ACBD6: variants seen among roughly 807,000 people sequenced by gnomAD.
ACBD6 encodes the protein acyl-CoA binding domain containing 6, also known as acyl-CoA-binding domain-containing protein 6.
ACBD6 carries 28 observed loss-of-function variants against 37.2 expected under a neutral mutation model. The ratio of observed to expected loss-of-function variants is 0.75; its 90% CI spans 0.56 to 1.03. The LOEUF is 1.03. Among genes scored for constraint, ACBD6 ranks in the 50% least tolerant of loss-of-function variants. ACBD6 has a pLI of 0.00. For synonymous variants in ACBD6, 113 were observed against 126.8 expected, an observed-to-expected ratio of 0.89 and a Z score of 0.73; for missense variants, 340 against 337.4, an observed-to-expected ratio of 1.01 and a Z score of -0.06.
downstream of ACBD6, among the ~76,000 whole-genome samples, chr1:180,287,754 C>G (rs72712997): frequency 0.018 from 2,812 of 152,110 alleles, 48 homozygotes; most frequent in Non-Finnish European, 0.028. Flanking sequence ...AGAGTGAAAA[C>G]AGAGTACTAT....
Position 180,442,229 on chromosome 1 carries a change from G to A in ACBD6, c.385-11967C>T, listed in dbSNP as rs147377933. ...TGTATGGTTTCATTACATTTCTTCC[G>A]CATGGGGTTCATTGAGCTTCTTGGA... On this transcript the variant is annotated intron_variant, in intron 3 of 7. Transcript: ENST00000367595. Among the ~76,000 whole-genome samples the A allele has an allele frequency of 5.8e-3, 875 of 151,540 alleles. 6 individuals carry two copies. The highest frequency in any genetic ancestry group is 0.02 in the African/African-American group (809 of 41,310).
intron 3 of ACBD6, among the ~76,000 whole-genome samples, chr1:180,476,106 A>G (rs1571559099): frequency 6.6e-6 from 1 of 152,364 alleles, no homozygotes; most frequent in Non-Finnish European, 1.5e-5. Context: ...ATCTGGTTCC[A>G]ATGCAACCCA....
chr1:180,319,097 C>A (rs1342963793), intron 6 of ACBD6, among the ~76,000 whole-genome samples: 2 of 152,160 alleles, frequency 1.3e-5, no homozygotes, highest in African/African-American at 4.8e-5. Flanking sequence ...ACTCAGTTCA[C>A]CTTCTTAAGG....
intron 6 of ACBD6, among the ~76,000 whole-genome samples, chr1:180,349,538 A>G (rs576870470): frequency 6.6e-6 from 1 of 151,918 alleles, no homozygotes; most frequent in South Asian, 2.1e-4. Flanking sequence ...TACAGGCGTG[A>G]GCCACCGTGC....
chr1:180,406,356 G>GCTAA (rs1315383216), intron 5 of ACBD6, among the ~76,000 whole-genome samples: 2 of 152,052 alleles, frequency 1.3e-5, no homozygotes, highest in African/African-American at 4.8e-5. Flanking sequence ...TCACACTGTT[G>GCTAA]CTAAAAAGTT....
intron 3 of ACBD6, among the ~76,000 whole-genome samples, chr1:180,482,756 T>G (rs77066130): frequency 2.0e-5 from 3 of 152,144 alleles, no homozygotes; most frequent in Non-Finnish European, 2.9e-5. Flanking sequence ...CAAAGAAAAC[T>G]TTTTTAAAAG....
intron 5 of ACBD6, among the ~76,000 whole-genome samples, chr1:180,402,037 G>A (rs903283710): frequency 6.6e-6 from 1 of 152,058 alleles, no homozygotes; most frequent in Non-Finnish European, 1.5e-5. Context: ...CTGCAAACAG[G>A]TAGATCTGAA....
At chr1:180,387,570 A>G (rs1328981746) in intron 6 of ACBD6, among the ~76,000 whole-genome samples, 1 of 152,178 alleles carries the variant, frequency 6.6e-6, no homozygotes, top group Admixed American at 6.5e-5. Context: ...CTGGGCAGGA[A>G]CTGAAAGCTC....
intron 7 of ACBD6, among the ~76,000 whole-genome samples, chr1:180,301,261 G>GA: frequency 6.6e-6 from 1 of 152,224 alleles, no homozygotes; most frequent in East Asian, 1.9e-4. Flanking sequence ...GTTGAGTCTT[G>GA]AACAACATGG....
At chr1:180,367,915 G>C (rs970910661) in intron 6 of ACBD6, among the ~76,000 whole-genome samples, 2 of 152,156 alleles carry the variant, frequency 1.3e-5, no homozygotes, top group Non-Finnish European at 2.9e-5. Context: ...CCAGTAATGG[G>C]ATTGCTGGGT....
At chr1:180,336,799 T>C (rs1214990052) in intron 6 of ACBD6, among the ~76,000 whole-genome samples, 1 of 151,458 alleles carries the variant, frequency 6.6e-6, no homozygotes, top group Non-Finnish European at 1.5e-5. Flanking sequence ...ATCAAATAGA[T>C]GCAATAAAAA....
intron 6 of ACBD6, among the ~76,000 whole-genome samples, chr1:180,330,220 TG>T (rs1186437754): frequency 6.6e-6 from 1 of 151,716 alleles, no homozygotes; most frequent in East Asian, 1.9e-4. Context: ...GAGATCAGCC[TG>T]GGCAACATTA....
intron 5 of ACBD6, among the ~76,000 whole-genome samples, chr1:180,407,709 T>C (rs1405254210): frequency 6.6e-6 from 1 of 152,224 alleles, no homozygotes; most frequent in Admixed American, 6.5e-5. Flanking sequence ...AGCAAGTAAA[T>C]GTAGGTCTCT....
chr1:180,334,094 G>A (rs1040833065), intron 6 of ACBD6, among the ~76,000 whole-genome samples: 1 of 152,222 alleles, frequency 6.6e-6, no homozygotes, highest in Non-Finnish European at 1.5e-5. Flanking sequence ...TGCGGGCAGG[G>A]CATAGTCAAA....
At chr1:180,473,107 T>C (rs190610874) in intron 3 of ACBD6, among the ~76,000 whole-genome samples, 2 of 152,324 alleles carry the variant, frequency 1.3e-5, no homozygotes, top group East Asian at 3.9e-4. Context: ...TAATCAGCTA[T>C]TGTATAAATA....
At chr1:180,356,241 A>C (rs914365217) in intron 6 of ACBD6, among the ~76,000 whole-genome samples, 1 of 151,406 alleles carries the variant, frequency 6.6e-6, no homozygotes, top group Non-Finnish European at 1.5e-5. Context: ...CATGATCACG[A>C]CTCACTGCAG....
chr1:180,447,970 T>C (rs933419595), intron 3 of ACBD6, among the ~76,000 whole-genome samples: 3 of 152,130 alleles, frequency 2.0e-5, no homozygotes, highest in Admixed American at 6.5e-5. Flanking sequence ...AGTTAGATAC[T>C]TGAAGTTACC....
Position 180,304,580 on chromosome 1 carries a change from A to C in ACBD6, c.694+10112T>G, listed in dbSNP as rs946461632. On this transcript the variant is annotated intron_variant, in intron 7 of 7. Coordinates refer to ENST00000367595, the MANE Select transcript of ACBD6 (RefSeq NM_032360.4). ...AGGACCTCTTCAAGGAGAACTACAA[A>C]CCACTGCTCAAGGAAATAAAAGAGG... Among the ~76,000 whole-genome samples, 73 of 150,818 alleles carry C rather than the reference A, an allele frequency of 4.8e-4. 3 individuals carry two copies. Among genetic ancestry groups the C allele is most frequent in the Non-Finnish European group, 9.9e-4 (67 of 67,448 alleles).
chr1:180,422,465 G>A (rs1384574024), intron 4 of ACBD6, among the ~76,000 whole-genome samples: 3 of 152,066 alleles, frequency 2.0e-5, no homozygotes, highest in Non-Finnish European at 4.4e-5. Context: ...CTTGGCCTTC[G>A]AAGGTGCTCC....
Sources: allele counts gnomAD v4.1 joint callset (sites outside exome capture counted in the v4.1 genomes callset), GRCh38; gene constraint gnomAD v4.1.1; transcripts MANE v1.5; gene names NCBI Gene and HGNC (gene_info 2026-07-23, HGNC 2026-07-21).